The following CATSPERB variants were observed in gnomAD, a reference collection of about 807,000 sequenced individuals.
CATSPERB encodes the protein catsper channel auxiliary subunit beta.
In CATSPERB, 93 loss-of-function variants were observed where a neutral mutation model predicts 128.3. That is an observed-to-expected ratio of 0.72 (90% confidence interval 0.61 to 0.86). The LOEUF is 0.86. CATSPERB is among the 40% of genes least tolerant of loss of function. The pLI, the probability that CATSPERB is intolerant of heterozygous loss-of-function variation, is 0.00. For missense variants in CATSPERB, 1,153 were observed against 1,329.5 expected, an observed-to-expected ratio of 0.87 and a Z score of 2.06; for synonymous variants, 381 against 448.8, an observed-to-expected ratio of 0.85 and a Z score of 1.91.
At chr14:91,726,644 C>T (rs1436347898) in intron 2 of CATSPERB, among the ~76,000 whole-genome samples, 1 of 152,074 alleles carries the variant, frequency 6.6e-6, no homozygotes, top group Non-Finnish European at 1.5e-5. Flanking sequence ...AATAAGTGAC[C>T]AGTGGGAATG....
intron 14 of CATSPERB, among the ~76,000 whole-genome samples, chr14:91,660,283 TC>T (rs1894854862): frequency 6.6e-6 from 1 of 152,190 alleles, no homozygotes; most frequent in Non-Finnish European, 1.5e-5. Flanking sequence ...TCCTATGATC[TC>T]CCAAATAATT....
At chr14:91,700,114 G>A (rs930096719) in intron 7 of CATSPERB, among the ~76,000 whole-genome samples, 1 of 151,932 alleles carries the variant, frequency 6.6e-6, no homozygotes. Flanking sequence ...CCCGGTGTGT[G>A]ATGTTCCCCT....
intron 15 of CATSPERB, among the ~76,000 whole-genome samples, chr14:91,647,571 C>G (rs1015065123): frequency 6.6e-6 from 1 of 152,264 alleles, no homozygotes; most frequent in East Asian, 1.9e-4. Context: ...CTGGGGGAGG[C>G]CTTACAATCA....
intron 17 of CATSPERB, among the ~76,000 whole-genome samples, chr14:91,631,562 A>G (rs1379884504): frequency 1.3e-5 from 2 of 152,146 alleles, no homozygotes; most frequent in South Asian, 4.2e-4. Context: ...CTACTTGGGA[A>G]GCTGAGGCAG....
At chr14:91,597,984 GT>G (rs1251848903) in intron 22 of CATSPERB, among the ~76,000 whole-genome samples, 2 of 150,938 alleles carry the variant, frequency 1.3e-5, no homozygotes, top group East Asian at 1.9e-4. Flanking sequence ...TTATATAAAA[GT>G]TTTTGTTTTT....
chr14:91,606,770 C>T (rs1893712851), intron 22 of CATSPERB, among the ~76,000 whole-genome samples: 1 of 152,096 alleles, frequency 6.6e-6, no homozygotes, highest in South Asian at 2.1e-4. Flanking sequence ...TGGATAGTGC[C>T]TGATAACACT....
At chr14:91,597,243 T>G (rs112580307) in intron 22 of CATSPERB, among the ~76,000 whole-genome samples, 2 of 152,146 alleles carry the variant, frequency 1.3e-5, no homozygotes, top group Admixed American at 1.3e-4. Context: ...TATAAAAGCT[T>G]TAAAACACTT....
intron 14 of CATSPERB, among the ~76,000 whole-genome samples, chr14:91,661,700 T>G (rs1386569303): frequency 6.6e-6 from 1 of 151,918 alleles, no homozygotes; most frequent in Non-Finnish European, 1.5e-5. Flanking sequence ...GCCCGGCTAA[T>G]TTTTGTAGAG....
chr14:91,625,252 G>C (rs969106961), intron 17 of CATSPERB, among the ~76,000 whole-genome samples: 10 of 152,162 alleles, frequency 6.6e-5, no homozygotes, highest in African/African-American at 9.7e-5. Context: ...ATTGAGTGAA[G>C]ATAGGCATTC....
chr14:91,603,432 A>T, intron 22 of CATSPERB: 13 of 1,584,006 alleles, frequency 8.2e-6, no homozygotes, highest in Non-Finnish European at 1.1e-5. Context: ...ATTCCCAGCC[A>T]TCAGAACTAG....
At chr14:91,651,648 T>C (rs1894706573) in intron 15 of CATSPERB, among the ~76,000 whole-genome samples, 1 of 152,086 alleles carries the variant, frequency 6.6e-6, no homozygotes, top group African/African-American at 2.4e-5. Context: ...TGGCAAACCA[T>C]AGCAAGCAAG....
intron 15 of CATSPERB, 37 bp from the exon 16 acceptor site, chr14:91,639,287 G>A: frequency 6.3e-7 from 1 of 1,575,528 alleles, no homozygotes; most frequent in Middle Eastern, 1.7e-4. Flanking sequence ...TGATACTGAT[G>A]TAACAGAAGT....
At chr14:91,592,158 A>G (rs971323827) in intron 22 of CATSPERB, 156 bp from the exon 23 acceptor site, 1 of 637,716 alleles carries the variant, frequency 1.6e-6, no homozygotes, top group Admixed American at 2.9e-5. Flanking sequence ...TAAGAATAGA[A>G]GTACAGTATT....
rs571034764 is a variant in CATSPERB at position 91,612,368 on chromosome 14, C to T, written c.2401-1691G>A. 3.7e-3 allele frequency among the ~76,000 whole-genome samples: 569 copies of T among 152,222 alleles called. 4 individuals are homozygous for T. Among genetic ancestry groups the T allele is most frequent in the Non-Finnish European group, 6.5e-3 (444 of 68,008 alleles). On this transcript the variant is annotated intron_variant, in intron 20 of 26. Transcript: ENST00000256343. The stretch of plus-strand genomic sequence containing the variant: ...GTCTCGCTGTGTTGCCTAGGCTGGT[C>T]TCGAACTCCTGGCCTCAAGTGATCC...
rs552207807 is a variant in CATSPERB, at chr14:91,633,737, C to T, written c.1742+2688G>A. Among the ~76,000 whole-genome samples the T allele has an allele frequency of 1.3e-4, 20 of 151,186 alleles. No individual in the cohort carries two copies. The East Asian group carries it at 3.7e-3, about 28-fold the overall frequency. On this transcript the variant is annotated intron_variant, in intron 17 of 26. Coordinates refer to ENST00000256343, the MANE Select transcript of CATSPERB (RefSeq NM_024764.4). ...TACACGAGAAATATTAATTTAAAACCCAAACTCTAAATCTCTTAAACTAGA... is the reference window on the plus strand; with the variant it reads ...TACACGAGAAATATTAATTTAAAACTCAAACTCTAAATCTCTTAAACTAGA...
At chr14:91,675,336 C>T (rs1004550616) in intron 11 of CATSPERB, among the ~76,000 whole-genome samples, 2 of 152,248 alleles carry the variant, frequency 1.3e-5, no homozygotes, top group Non-Finnish European at 2.9e-5. Flanking sequence ...CCTTCTCTCC[C>T]TGTCATGGCG....
chr14:91,693,591 C>A, intron 7 of CATSPERB, 112 bp from the exon 8 acceptor site: 1 of 691,810 alleles, frequency 1.4e-6, no homozygotes, highest in South Asian at 1.8e-5. Context: ...ATGACTCTCA[C>A]TTCCCAAAGC....
intron 11 of CATSPERB, among the ~76,000 whole-genome samples, chr14:91,678,216 A>T (rs1000701221): frequency 6.6e-6 from 1 of 152,226 alleles, no homozygotes; most frequent in African/African-American, 2.4e-5. Flanking sequence ...CACGTTCTGC[A>T]CTTGTATCCT....
At position 91,639,078 on chromosome 14, in the gene CATSPERB, A is replaced by G. The variant is rs527382958; in HGVS notation, c.1587+18T>C. ...TTCTTAAAATAAGGCAAACTGTTTC[A>G]ATGCATTATATACTGACCTGTCCAA... On this transcript the variant is annotated intron_variant, in intron 16 of 26. Transcript: ENST00000256343. The G allele has an allele frequency of 3.1e-6, 5 of 1,600,416 alleles. No homozygotes were observed. The African/African-American group carries it at 5.4e-5, about 17-fold the overall frequency.
Sources: gnomAD v4.1 joint callset for allele counts (sites outside exome capture counted in the v4.1 genomes callset) on GRCh38, gnomAD v4.1.1 for gene constraint, MANE v1.5 for transcripts, NCBI Gene and HGNC (gene_info 2026-07-23, HGNC 2026-07-21) for gene names.